The following PRKCG variants were observed in gnomAD, a reference collection of about 807,000 sequenced individuals.
PRKCG encodes protein kinase C gamma, also known as protein kinase C gamma type.
Under a neutral mutation model 82.0 loss-of-function variants are expected in PRKCG, and 28 were observed. The ratio of observed to expected loss-of-function variants is 0.34; its 90% CI spans 0.25 to 0.47. PRKCG has a LOEUF of 0.47. Among genes scored for constraint, PRKCG ranks in the 20% least tolerant of loss-of-function variants. The pLI is 1.00. For missense variants in PRKCG, 640 were observed against 952.7 expected (o/e 0.67, Z 4.32); for synonymous variants, 383 against 376.6 (o/e 1.02, Z -0.20).
At chr19:53,891,099 G>A (rs10412421) in intron 5 of PRKCG, among the ~76,000 whole-genome samples, 13,965 of 151,856 alleles carry the variant, frequency 0.092, 1,964 homozygotes, top group African/African-American at 0.3. Context: ...ACCTGGTTCT[G>A]AGGGAGGCTG....
rs116236420 is a variant in PRKCG, at chr19:53,892,533, G to T, written c.711G>T (p.Glu237Asp). The T allele has an allele frequency of 3.2e-5, 52 of 1,612,952 alleles. No homozygotes were observed. In the African/African-American group the frequency reaches 6.3e-4, roughly 19 times the overall value. ...GCAACCTGAAGCCAGGGGATGTGGA[G>T]CGCCGGCTCAGCGTGGAGGTGTGGG... is the stretch of plus-strand genomic sequence containing the variant. ...FVFNLKPGDVERRLSVEVWDW... is the reference protein window; with the variant it reads ...FVFNLKPGDVDRRLSVEVWDW... The change falls in exon 7 of 18, where the codon GAG becomes GAT. Residue 237 changes from glutamate (E) to aspartate (D), a missense_variant. Glu to Asp is a conservative substitution (Grantham distance 45, BLOSUM62 2). Around this residue, in one of 7 missense-constraint regions of PRKCG, gnomAD observed 261 missense variants for 312.1 expected, o/e 0.84. Coordinates refer to ENST00000263431, the MANE Select transcript of PRKCG (RefSeq NM_002739.5). This position sits in a 1 kb window ranked among gnomAD's most constrained non-coding sequence, Gnocchi z 5.9.
chr19:53,898,052 C>T lies in PRKCG; in HGVS notation c.1033C>T (p.Arg345Cys). ...CTGCTTCTTCGGGGCGAGTCCAGGA[C>T]GCCTGCACATCTCCGACTTCAGCTT... Reference protein sequence around the residue: ...KRCFFGASPGRLHISDFSFLM... With the variant: ...KRCFFGASPGCLHISDFSFLM... The change falls in exon 10 of 18, where the codon CGC becomes TGC. Residue 345 changes from arginine (R) to cysteine (C), a missense_variant. Arg to Cys is a radical substitution (Grantham distance 180). Around this residue, in one of 7 missense-constraint regions of PRKCG, gnomAD observed 261 missense variants for 312.1 expected, o/e 0.84. Transcript: ENST00000263431. 3.7e-6 allele frequency: 6 copies of T among 1,614,088 alleles called. No homozygotes were observed. Among genetic ancestry groups the T allele is most frequent in the Non-Finnish European group, 5.1e-6 (6 of 1,180,020 alleles).
rs2068610915 is a variant in PRKCG, at chr19:53,883,696, T to G, written c.203-465T>G. 1.8e-5 allele frequency among the ~76,000 whole-genome samples: 2 copies of G among 110,008 alleles called. No homozygotes were observed. Among genetic ancestry groups the G allele is most frequent in the African/African-American group, 3.5e-5 (1 of 28,460 alleles). The allele number at this position is 110,008 out of a possible 152,430, so 72.2% of individuals were successfully genotyped here. A position where few individuals can be genotyped will look rare whatever the true frequency, so the allele number is the denominator to read the frequency against. ...CTGCTACTGCTGAGAACAGAGTGAG[T>G]CAGGGTGGGGGGCGGGCCGGCAGCA... On this transcript the variant is annotated intron_variant, in intron 2 of 17. Coordinates refer to ENST00000263431, the MANE Select transcript of PRKCG (RefSeq NM_002739.5). The surrounding 1 kb of genome is among the most constrained non-coding windows in gnomAD (Gnocchi z 5.4).
chr19:53,898,801 GGCGTGGCCAGGCGAAGGGAC>G (rs2123011503), intron 11 of PRKCG, among the ~76,000 whole-genome samples, 173 bp downstream of exon 11: 1 of 131,240 alleles, frequency 7.6e-6, no homozygotes. Flanking sequence ...GTCCTTGGGG[GGCGTGGCCAGGCGAAGGGAC>G]TCATCGGGGG....
chr19:53,905,797 T>G (rs938987007), intron 16 of PRKCG, among the ~76,000 whole-genome samples: 1 of 117,640 alleles, frequency 8.5e-6, no homozygotes, highest in Non-Finnish European at 1.7e-5. Context: ...CCCCTACCCC[T>G]TTTCCCTCTC....
chr19:53,907,061 C>T lies in PRKCG; in HGVS notation c.*166C>T, dbSNP rs1451056646. The T allele has an allele frequency of 2.1e-6, 3 of 1,459,128 alleles. No individual in the cohort carries two copies. Among genetic ancestry groups the T allele is most frequent in the South Asian group, 1.3e-5 (1 of 78,426 alleles). The allele number at this position is 1,459,128 out of a possible 1,614,324, so 90.4% of individuals were successfully genotyped here. On this transcript the variant is annotated 3_prime_UTR_variant, in exon 18 of 18. Coordinates refer to ENST00000263431, the MANE Select transcript of PRKCG (RefSeq NM_002739.5). ...GACGCCCCTCCCAAGCGTTCCTGGC[C>T]TTCTGAACTCCATACAGCCTCTACA...
In PRKCG at chr19:53,884,014, C is replaced by A; in HGVS notation, c.203-147C>A. 1 of 780,786 alleles carries A rather than the reference C, an allele frequency of 1.3e-6. No homozygotes were observed. Among genetic ancestry groups the A allele is most frequent in the South Asian group, 1.5e-5 (1 of 68,906 alleles). 48.4% of individuals were successfully genotyped at this position (780,786 alleles called of 1,614,324 possible). The stretch of plus-strand genomic sequence containing the variant: ...CTCTCTCTGGCCTCCGATTTTCTCT[C>A]TGTTGGACTCTCTGTGTTGAGATCC... On this transcript the variant is annotated intron_variant, in intron 2 of 17. Transcript: ENST00000263431. This position sits in a 1 kb window ranked among gnomAD's most constrained non-coding sequence, Gnocchi z 4.6.
chr19:53,894,537 G>A (rs553755906), intron 9 of PRKCG, among the ~76,000 whole-genome samples: 1 of 151,006 alleles, frequency 6.6e-6, no homozygotes, highest in South Asian at 2.1e-4. Flanking sequence ...TCAGCTCACT[G>A]CAACCTCTGC....
At position 53,883,091 on chromosome 19, in the gene PRKCG, C is replaced by T; in HGVS notation, c.171-72C>T. The T allele has an allele frequency of 1.3e-6, 2 of 1,581,934 alleles. No individual in the cohort carries two copies. The highest frequency in any genetic ancestry group is 1.7e-6 in the Non-Finnish European group (2 of 1,151,226). Reference sequence around the variant, plus strand: ...GGAGGAGGGTCAGAGAGCGCAGGCCCCCTGTGGCTCGCAGAGGTTGGGGGT... The same window carrying T: ...GGAGGAGGGTCAGAGAGCGCAGGCCTCCTGTGGCTCGCAGAGGTTGGGGGT... On this transcript the variant is annotated intron_variant, in intron 1 of 17. Coordinates refer to ENST00000263431, the MANE Select transcript of PRKCG (RefSeq NM_002739.5). The surrounding 1 kb of genome is among the most constrained non-coding windows in gnomAD (Gnocchi z 5.4).
rs190450809 is a variant in PRKCG at position 53,901,862 on chromosome 19, A to G, written c.1575+1113A>G. 8.9e-3 allele frequency among the ~76,000 whole-genome samples: 1,346 copies of G among 151,654 alleles called. 8 individuals carry two copies. The highest frequency in any genetic ancestry group is 0.017 in the Middle Eastern group (5 of 294). On this transcript the variant is annotated intron_variant, in intron 14 of 17. Coordinates refer to ENST00000263431, the MANE Select transcript of PRKCG (RefSeq NM_002739.5). ...GAGACCCTGTCTCAAAAAAAAAAAA[A>G]AAAAGAAAAAGAAAAAGGGCAGGGT...
intron 14 of PRKCG, among the ~76,000 whole-genome samples, chr19:53,902,372 C>T (rs1427808617): frequency 6.6e-6 from 1 of 152,104 alleles, no homozygotes; most frequent in Non-Finnish European, 1.5e-5. Flanking sequence ...CAAGATTGCA[C>T]CACTGCACTG....
intron 11 of PRKCG, among the ~76,000 whole-genome samples, chr19:53,899,943 A>G (rs999169939): frequency 2.6e-5 from 4 of 152,162 alleles, no homozygotes; most frequent in Admixed American, 2.0e-4. Flanking sequence ...GTGGCTGTGG[A>G]AAGAGATTTT....
At chr19:53,881,140 A>AGC (rs1176636416), upstream of PRKCG, among the ~76,000 whole-genome samples, 1 of 151,536 alleles carries the variant, frequency 6.6e-6, no homozygotes, top group Non-Finnish European at 1.5e-5. Flanking sequence ...TCAGAGAGAG[A>AGC]GAGAGAGATC....
intron 17 of PRKCG, 64 bp downstream of exon 17, chr19:53,906,521 A>G (rs971797691): frequency 6.4e-6 from 10 of 1,570,984 alleles, no homozygotes; most frequent in Middle Eastern, 1.9e-4. Flanking sequence ...CTGGGCCTCA[A>G]TATACCTGTA....
chr19:53,905,833 G>T (rs1167170428), intron 16 of PRKCG, among the ~76,000 whole-genome samples: 1 of 132,056 alleles, frequency 7.6e-6, no homozygotes, highest in Non-Finnish European at 1.6e-5. Context: ...CTCATGATTT[G>T]TTCTGTTTCT....
rs1303639748 is a variant in PRKCG at position 53,889,893 on chromosome 19, G to A, written c.405G>A (p.Glu135=). 1.9e-6 allele frequency: 3 copies of A among 1,585,138 alleles called. No homozygotes were observed. Among genetic ancestry groups the A allele is most frequent in the Non-Finnish European group, 2.6e-6 (3 of 1,166,494 alleles). Residue 135 remains glutamate (E), a synonymous_variant, in exon 5 of 18, where the codon GAG becomes GAA. Transcript: ENST00000263431. This position sits in a 1 kb window ranked among gnomAD's most constrained non-coding sequence, Gnocchi z 4.4. Reference sequence around the variant, plus strand: ...CGCAGCTTTCCCCTCCAGGCTGCGAGATGAACGTGCACCGGCGCTGTGTGC... The same window carrying A: ...CGCAGCTTTCCCCTCCAGGCTGCGAAATGAACGTGCACCGGCGCTGTGTGC... ...VHQGMKCSCC[E]MNVHRRCVRS...
chr19:53,902,959 A>G lies in PRKCG; in HGVS notation c.1576-114A>G, dbSNP rs538508448. The G allele has an allele frequency of 2.6e-4, 179 of 691,116 alleles. No individual in the cohort carries two copies. In the African/African-American group the frequency reaches 3.0e-3, roughly 12 times the overall value. The allele number at this position is 691,116 out of a possible 1,614,324, so 42.8% of individuals were successfully genotyped here. A position where few individuals can be genotyped will look rare whatever the true frequency, so the allele number is the denominator to read the frequency against. On this transcript the variant is annotated intron_variant, in intron 14 of 17. Coordinates refer to ENST00000263431, the MANE Select transcript of PRKCG (RefSeq NM_002739.5). Reference sequence around the variant, plus strand: ...TGATGAAATAAATATTCAGAGTGGGAAGAGCTTGTGCTGAAAGCACTTAAC... The same window carrying G: ...TGATGAAATAAATATTCAGAGTGGGGAGAGCTTGTGCTGAAAGCACTTAAC...
At chr19:53,897,559 G>A (rs1404412596) in intron 9 of PRKCG, among the ~76,000 whole-genome samples, 1 of 152,140 alleles carries the variant, frequency 6.6e-6, no homozygotes, top group Non-Finnish European at 1.5e-5. Flanking sequence ...TAGAGGCTAA[G>A]AGCAACCAGA....
At chr19:53,893,562 T>C in intron 9 of PRKCG, 171 bp downstream of exon 9, 1 of 749,998 alleles carries the variant, frequency 1.3e-6, no homozygotes, top group South Asian at 1.5e-5. Flanking sequence ...AATCTGACCC[T>C]CAAGCAACTC....
Sources: allele counts gnomAD v4.1 joint callset (sites outside exome capture counted in the v4.1 genomes callset), GRCh38; gene constraint gnomAD v4.1.1; regional missense constraint gnomAD v4.1.1; non-coding constraint Gnocchi (gnomAD v3.1); transcripts MANE v1.5; gene names NCBI Gene and HGNC (gene_info 2026-07-23, HGNC 2026-07-21).